HERC2: variants seen among roughly 807,000 people sequenced by gnomAD.
The protein encoded by HERC2 is HECT and RLD domain containing E3 ubiquitin protein ligase 2, also known as E3 ubiquitin-protein ligase HERC2.
A neutral mutation model predicts 537.7 loss-of-function variants in HERC2; 102 were observed. The observed-to-expected ratio is 0.19, with a 90% CI of 0.16 to 0.22. The LOEUF (loss-of-function observed/expected upper bound fraction) is 0.22. Among genes scored for constraint, HERC2 ranks in the 10% least tolerant of loss-of-function variants. The probability of loss-of-function intolerance (pLI) is 1.00; values close to 1 mark genes in which losing one functional copy is unlikely to be tolerated. For synonymous variants in HERC2, 2,224 were observed against 2,466.2 expected (o/e 0.90, Z 2.91); for missense variants, 4,236 against 6,198.2 (o/e 0.68, Z 10.63).
intron 67 of HERC2, 106 bp downstream of exon 67, chr15:28,168,301 G>A (rs1894349547): frequency 9.2e-7 from 1 of 1,085,604 alleles, no homozygotes; most frequent in Non-Finnish European, 1.3e-6. Context: ...AATCTAAGCG[G>A]GAGGCACAGA....
Position 28,148,015 on chromosome 15 carries a change from T to C in HERC2, c.10901-1671A>G, listed in dbSNP as rs545111988. Among the ~76,000 whole-genome samples, 45 of 148,314 alleles carry C rather than the reference T, an allele frequency of 3.0e-4. No homozygotes were observed. In the Middle Eastern group the frequency reaches 0.01, roughly 35 times the overall value. On this transcript the variant is annotated intron_variant, in intron 70 of 92. Transcript: ENST00000261609. ...TCACACCACTGCACTTCAGCCTGGGTGACAGAGCAAGACTGTGTCTCCAAA... is the reference window on the plus strand; with the variant it reads ...TCACACCACTGCACTTCAGCCTGGGCGACAGAGCAAGACTGTGTCTCCAAA...
At chr15:28,186,542 G>T (rs1184419576) in intron 56 of HERC2, 35 bp downstream of exon 56, 1 of 1,565,798 alleles carries the variant, frequency 6.4e-7, no homozygotes, top group South Asian at 1.1e-5. Flanking sequence ...AATGTAGCGG[G>T]AGGTAAGTGA....
intron 56 of HERC2, among the ~76,000 whole-genome samples, chr15:28,185,050 A>G (rs1424550410): frequency 1.3e-5 from 2 of 149,240 alleles, no homozygotes; most frequent in Non-Finnish European, 3.0e-5. Flanking sequence ...AGATGCAATC[A>G]GTTTGAACTA....
In HERC2 at chr15:28,142,141, G is replaced by A. The variant is rs371506388; in HGVS notation, c.11700+97C>T. The A allele has an allele frequency of 3.3e-5, 47 of 1,413,496 alleles. 1 individual carries two copies. Among genetic ancestry groups the A allele is most frequent in the South Asian group, 2.5e-4 (18 of 71,428 alleles). The allele number at this position is 1,413,496 out of a possible 1,614,324, so 87.6% of individuals were successfully genotyped here. On this transcript the variant is annotated intron_variant, in intron 76 of 92. Transcript: ENST00000261609. ...TTTTCTTTGATATTCCTTGGCAAGC[G>A]AAATTTTTCTGTGTCTCGTAATATT...
Position 28,213,799 on chromosome 15 carries a change from G to A in HERC2, c.6729C>T (p.Thr2243=), listed in dbSNP as rs765232326. Residue 2243 remains threonine (T), a synonymous_variant, in exon 42 of 93, where the codon ACC becomes ACT. Transcript: ENST00000261609. ...ACGTCCGCATGTCAGAGAACTGCAC[G>A]GTGATTTTGCCCTTTGGGGTGATGC... is the stretch of plus-strand genomic sequence containing the variant. ...VTRITPKGKI[T]VQFSDMRTCR... The A allele has an allele frequency of 1.1e-5, 18 of 1,613,886 alleles. No individual in the cohort carries two copies. Among genetic ancestry groups the A allele is most frequent in the African/African-American group, 5.3e-5 (4 of 74,918 alleles).
chr15:28,188,694 G>A (rs1896551380), intron 55 of HERC2, among the ~76,000 whole-genome samples: 1 of 152,122 alleles, frequency 6.6e-6, no homozygotes, highest in Non-Finnish European at 1.5e-5. Context: ...AAGGTGGGAG[G>A]GAGAAAGTGA....
intron 23 of HERC2, among the ~76,000 whole-genome samples, chr15:28,240,287 A>G (rs8042159): frequency 0.23 from 35,476 of 151,936 alleles, 8,371 homozygotes; most frequent in African/African-American, 0.59. Flanking sequence ...GCGTGGTGGC[A>G]GGCGCCTGTA....
chr15:28,153,925 C>T (rs992591549), intron 69 of HERC2, among the ~76,000 whole-genome samples: 6 of 152,164 alleles, frequency 3.9e-5, no homozygotes, highest in Non-Finnish European at 8.8e-5. Flanking sequence ...CAGACAGAGA[C>T]AGGGAGAGTC....
chr15:28,186,627 G>C lies in HERC2; in HGVS notation c.8775C>G (p.Phe2925Leu). 1 of 1,614,120 alleles carries C rather than the reference G, an allele frequency of 6.2e-7. No homozygotes were observed. The highest frequency in any genetic ancestry group is 8.5e-7 in the Non-Finnish European group (1 of 1,180,014). Residue 2925 changes from phenylalanine (F) to leucine (L), a missense_variant, in exon 56 of 93, where the codon TTC becomes TTG. This residue lies in a region of HERC2 where 606 missense variants were observed against 884.5 expected (regional missense o/e 0.69). Coordinates refer to ENST00000261609, the MANE Select transcript of HERC2 (RefSeq NM_004667.6). The part of the protein sequence containing the change: ...AEEEDLAAVP[F>L]LASDNEEEED... Reference sequence around the variant, plus strand: ...CCTCCTCTTCATTATCCGAAGCTAAGAAAGGAACTGCAGCCAAATCTTCCT... The same window carrying C: ...CCTCCTCTTCATTATCCGAAGCTAACAAAGGAACTGCAGCCAAATCTTCCT...
At chr15:28,138,945 A>G (rs538416456) in intron 78 of HERC2, among the ~76,000 whole-genome samples, 1 of 152,220 alleles carries the variant, frequency 6.6e-6, no homozygotes, top group Non-Finnish European at 1.5e-5. Context: ...GTGGATTCCA[A>G]CCCTCACAGA....
rs900494085 is a variant in HERC2, at chr15:28,176,093, C to T, written c.9686+335G>A. On this transcript the variant is annotated intron_variant, in intron 63 of 92. Transcript: ENST00000261609. The surrounding 1 kb of genome is among the most constrained non-coding windows in gnomAD (Gnocchi z 5.0). ...AGCTTTTACAAGAAACACATGTTAA[C>T]TTTTTCAGGATCAAAGGATTCAGAA... Among the ~76,000 whole-genome samples, 28 of 152,300 alleles carry T rather than the reference C, an allele frequency of 1.8e-4. No individual in the cohort carries two copies. Among genetic ancestry groups the T allele is most frequent in the African/African-American group, 6.0e-4 (25 of 41,570 alleles).
rs995940577 is a variant in HERC2 at position 28,190,734 on chromosome 15, G to C, written c.8649+231C>G. 3.4e-5 allele frequency: 19 copies of C among 567,160 alleles called. No homozygotes were observed. The African/African-American group carries it at 3.6e-4, about 11-fold the overall frequency. 35.1% of individuals were successfully genotyped at this position (567,160 alleles called of 1,614,324 possible). A position where few individuals can be genotyped will look rare whatever the true frequency, so the allele number is the denominator to read the frequency against. The stretch of plus-strand genomic sequence containing the variant: ...AGGAGCAGTTACCAAGTATACCTCT[G>C]CTACCAAAGAGAGTGAGAATGAAAT... On this transcript the variant is annotated intron_variant, in intron 55 of 92. Coordinates refer to ENST00000261609, the MANE Select transcript of HERC2 (RefSeq NM_004667.6).
At chr15:28,115,570 G>A in intron 88 of HERC2, 29 bp from the exon 89 acceptor site, 1 of 1,553,106 alleles carries the variant, frequency 6.4e-7, no homozygotes, top group Non-Finnish European at 8.9e-7. Flanking sequence ...AGTGACAGAG[G>A]ACACTTCAAA....
chr15:28,248,994 G>A lies in HERC2; in HGVS notation c.3051-258C>T, dbSNP rs1435486781. On this transcript the variant is annotated intron_variant, in intron 20 of 92. Coordinates refer to ENST00000261609, the MANE Select transcript of HERC2 (RefSeq NM_004667.6). ...CACTAATGTGCGCCTATGGAGCTGC[G>A]CGCAGTGGTCCAAACTGCAGAAGAT... Among the ~76,000 whole-genome samples, 3 of 152,312 alleles carry A rather than the reference G, an allele frequency of 2.0e-5. 1 individual carries two copies. The highest frequency in any genetic ancestry group is 4.1e-4 in the South Asian group (2 of 4,824).
At chr15:28,241,544 G>A (rs750158294) in intron 23 of HERC2, among the ~76,000 whole-genome samples, 31 of 152,110 alleles carry the variant, frequency 2.0e-4, no homozygotes, top group Non-Finnish European at 2.4e-4. Flanking sequence ...AAAGCAGGCC[G>A]GGCGCAGTGG....
rs1374794828 is a variant in HERC2, at chr15:28,267,472, A to G, written c.1598+993T>C. On this transcript the variant is annotated intron_variant, in intron 12 of 92. Transcript: ENST00000261609. Reference sequence around the variant, plus strand: ...ACATACCACCCTGTCCTGTACCTCGATGCCTTTCAAGTCCCGTGTACCCCA... The same window carrying G: ...ACATACCACCCTGTCCTGTACCTCGGTGCCTTTCAAGTCCCGTGTACCCCA... Among the ~76,000 whole-genome samples, 8 of 152,330 alleles carry G rather than the reference A, an allele frequency of 5.3e-5. No individual in the cohort carries two copies. The East Asian group carries it at 1.2e-3, about 22-fold the overall frequency.
At chr15:28,298,963 T>C (rs1028031398) in intron 3 of HERC2, among the ~76,000 whole-genome samples, 3 of 152,126 alleles carry the variant, frequency 2.0e-5, no homozygotes, top group Admixed American at 2.0e-4. Context: ...CCAAGGATCT[T>C]TTCAGATTCA....
intron 22 of HERC2, 76 bp downstream of exon 22, chr15:28,246,666 G>C: frequency 7.8e-7 from 1 of 1,277,770 alleles, no homozygotes; most frequent in Non-Finnish European, 1.1e-6. Context: ...CAGGCATGCT[G>C]ATCAGCAAAG....
At chr15:28,315,476 T>C (rs1310076671) in intron 2 of HERC2, among the ~76,000 whole-genome samples, 1 of 152,254 alleles carries the variant, frequency 6.6e-6, no homozygotes, top group Non-Finnish European at 1.5e-5. Context: ...TTAAAATAAC[T>C]ACCTTTAATA....
Sources: gnomAD v4.1 joint callset for allele counts (sites outside exome capture counted in the v4.1 genomes callset) on GRCh38, gnomAD v4.1.1 for gene constraint, gnomAD v4.1.1 regional missense constraint, Gnocchi (gnomAD v3.1) non-coding constraint, MANE v1.5 for transcripts, NCBI Gene and HGNC (gene_info 2026-07-23, HGNC 2026-07-21) for gene names.